PDE11A: variants seen among roughly 807,000 people sequenced by gnomAD.
PDE11A encodes phosphodiesterase 11A.
A neutral mutation model predicts 100.5 loss-of-function variants in PDE11A; 100 were observed. That is an observed-to-expected ratio of 1.00 (90% CI 0.85 to 1.18). The LOEUF is 1.18. Ranked by LOEUF, PDE11A falls within the 50% of genes most tolerant of loss-of-function variation. PDE11A has a pLI of 0.00. For missense variants in PDE11A, 1,141 were observed against 1,152.6 expected (o/e 0.99, Z 0.15); for synonymous variants, 381 against 420.8 (o/e 0.91, Z 1.16).
At chr2:177,860,635 C>A (rs2083929446) in intron 5 of PDE11A, among the ~76,000 whole-genome samples, 1 of 151,490 alleles carries the variant, frequency 6.6e-6, no homozygotes. Flanking sequence ...ACACCAAAAC[C>A]AATTATATCA....
At chr2:177,820,331 A>AG in intron 6 of PDE11A, 36 bp from the exon 7 acceptor site, 5 of 1,089,518 alleles carry the variant, frequency 4.6e-6, no homozygotes, top group Non-Finnish European at 7.1e-6. Flanking sequence ...AAAATTGAAT[A>AG]TTAACTATTC....
At chr2:178,083,185 T>C (rs1292989899) in intron 2 of PDE11A, among the ~76,000 whole-genome samples, 4 of 151,494 alleles carry the variant, frequency 2.6e-5, no homozygotes, top group East Asian at 1.9e-4. Context: ...CTGCAACCTC[T>C]GCCTCCCGGG....
intron 2 of PDE11A, among the ~76,000 whole-genome samples, chr2:178,085,551 T>A (rs145729329): frequency 1.1e-3 from 156 of 142,802 alleles, no homozygotes; most frequent in African/African-American, 3.5e-3. Flanking sequence ...AAAAAAAAAA[T>A]AAACCTAAAG....
In PDE11A at chr2:177,773,178, G is replaced by A. The variant is rs574941362; in HGVS notation, c.1738-3805C>T. Among the ~76,000 whole-genome samples, 8 of 151,982 alleles carry A rather than the reference G, an allele frequency of 5.3e-5. No homozygotes were observed. The South Asian group carries it at 6.2e-4, about 12-fold the overall frequency. ...TGGGATTACAGGAACACACCACCACGCCCAGGTAATTTTTTTATAGAAACA... is the reference window on the plus strand; with the variant it reads ...TGGGATTACAGGAACACACCACCACACCCAGGTAATTTTTTTATAGAAACA... On this transcript the variant is annotated intron_variant, in intron 9 of 19. Transcript: ENST00000286063.
intron 5 of PDE11A, among the ~76,000 whole-genome samples, chr2:177,846,562 C>G (rs1226391925): frequency 6.6e-6 from 1 of 152,172 alleles, no homozygotes; most frequent in African/African-American, 2.4e-5. Context: ...AACTTTTATT[C>G]AGTATGGTTT....
intron 1 of PDE11A, among the ~76,000 whole-genome samples, chr2:178,043,142 G>C (rs2086704338): frequency 6.6e-6 from 1 of 152,082 alleles, no homozygotes; most frequent in Admixed American, 6.6e-5. Context: ...CTGATATTAG[G>C]TACTGGGTGC....
At chr2:177,800,026 TG>T (rs2082765565) in intron 9 of PDE11A, among the ~76,000 whole-genome samples, 2 of 152,066 alleles carry the variant, frequency 1.3e-5, no homozygotes, top group Admixed American at 6.6e-5. Context: ...CCCACAAGGT[TG>T]GGAAGTGAGA....
In PDE11A at chr2:177,663,963, C is replaced by A; in HGVS notation, c.2563-14G>T. ...ATCAAAAATTGCCTAGAATGGGGGG[C>A]AGGAAGAACCTCGCTTTATTACACC... On this transcript the variant is annotated splice_polypyrimidine_tract_variant and intron_variant, in intron 18 of 19. Coordinates refer to ENST00000286063, the MANE Select transcript of PDE11A (RefSeq NM_016953.4). 6.4e-7 allele frequency: 1 copy of A among 1,563,692 alleles called. No individual in the cohort carries two copies. Among genetic ancestry groups the A allele is most frequent in the Non-Finnish European group, 8.8e-7 (1 of 1,134,218 alleles).
At chr2:177,776,728 A>C (rs2082382827) in intron 9 of PDE11A, among the ~76,000 whole-genome samples, 1 of 152,154 alleles carries the variant, frequency 6.6e-6, no homozygotes, top group Non-Finnish European at 1.5e-5. Flanking sequence ...ACAGAAATAG[A>C]AGACCAGGTG....
intron 2 of PDE11A, among the ~76,000 whole-genome samples, chr2:178,085,056 C>G (rs2087332002): frequency 6.6e-6 from 1 of 152,264 alleles, no homozygotes; most frequent in East Asian, 1.9e-4. Context: ...TGAGAAGATA[C>G]TTGGAGCAAA....
chr2:177,926,657 AATTTCATAGT>A (rs1283434930), intron 2 of PDE11A, among the ~76,000 whole-genome samples: 1 of 152,206 alleles, frequency 6.6e-6, no homozygotes, highest in African/African-American at 2.4e-5. Context: ...AGGAGTTGAT[AATTTCATAGT>A]ATTTCATAGC....
chr2:177,880,381 A>T (rs557568212), intron 4 of PDE11A, among the ~76,000 whole-genome samples: 1 of 151,926 alleles, frequency 6.6e-6, no homozygotes, highest in East Asian at 1.9e-4. Flanking sequence ...CCCAATAAAG[A>T]CTCTAGACAC....
chr2:177,809,362 C>G (rs542478256), intron 9 of PDE11A, among the ~76,000 whole-genome samples: 62 of 152,124 alleles, frequency 4.1e-4, no homozygotes, highest in African/African-American at 1.2e-3. Flanking sequence ...TGAGCTGACC[C>G]CCACAGAGGG....
chr2:177,653,271 G>T (rs1045034388), intron 19 of PDE11A, among the ~76,000 whole-genome samples: 2 of 152,182 alleles, frequency 1.3e-5, no homozygotes, highest in African/African-American at 4.8e-5. Context: ...TTCAGCCATG[G>T]ATTCTCTCCA....
chr2:177,695,423 A>T (rs573879439), intron 15 of PDE11A, among the ~76,000 whole-genome samples: 1 of 152,332 alleles, frequency 6.6e-6, no homozygotes, highest in South Asian at 2.1e-4. Flanking sequence ...CTAACTATCT[A>T]TTCTAAAAAA....
At chr2:177,772,721 A>AAAAC (rs201767871) in intron 9 of PDE11A, among the ~76,000 whole-genome samples, 10 of 151,822 alleles carry the variant, frequency 6.6e-5, no homozygotes, top group Admixed American at 1.3e-4. Flanking sequence ...TTTAAAAAAA[A>AAAAC]AAAAAAGCTA....
intron 9 of PDE11A, among the ~76,000 whole-genome samples, chr2:177,803,404 G>A (rs530100432): frequency 2.0e-4 from 30 of 151,900 alleles, no homozygotes; most frequent in Non-Finnish European, 3.1e-4. Context: ...CAATCCTCCT[G>A]AAACTATTCA....
chr2:177,832,743 C>A (rs1285151321), intron 6 of PDE11A, among the ~76,000 whole-genome samples: 3 of 152,078 alleles, frequency 2.0e-5, no homozygotes, highest in African/African-American at 7.2e-5. Context: ...GAGAAACATT[C>A]CGCTGGTATG....
intron 2 of PDE11A, among the ~76,000 whole-genome samples, chr2:177,970,349 AT>A (rs1460537098): frequency 2.0e-5 from 3 of 152,108 alleles, no homozygotes; most frequent in Non-Finnish European, 4.4e-5. Flanking sequence ...ATAAACTCTC[AT>A]TTTTAAAGGT....
Sources: allele counts gnomAD v4.1 joint callset (sites outside exome capture counted in the v4.1 genomes callset), GRCh38; gene constraint gnomAD v4.1.1; transcripts MANE v1.5; gene names NCBI Gene and HGNC (gene_info 2026-07-23, HGNC 2026-07-21).